Variants in FABP7 observed in about 807,000 individuals in gnomAD.
FABP7 encodes fatty acid binding protein 7.
Under a neutral mutation model 14.2 loss-of-function variants are expected in FABP7, and 13 were observed. The observed-to-expected ratio is 0.91, with a 90% CI of 0.59 to 1.45. The LOEUF (loss-of-function observed/expected upper bound fraction) is 1.45. FABP7 is among the 40% of genes most tolerant of loss of function. FABP7 has a pLI of 0.00. For synonymous variants in FABP7, 49 were observed against 51.4 expected (o/e 0.95, Z 0.20); for missense variants, 149 against 157.6 (o/e 0.95, Z 0.29).
chr6:122,776,857 G>T (rs938379759), upstream of FABP7, among the ~76,000 whole-genome samples: 4 of 152,044 alleles, frequency 2.6e-5, no homozygotes, highest in Admixed American at 2.0e-4. Context: ...AAAATTTCTG[G>T]TACAGATATC....
chr6:122,772,615 C>T, the FABP7 span, among the ~76,000 whole-genome samples: 1 of 152,146 alleles, frequency 6.6e-6, no homozygotes, highest in Non-Finnish European at 1.5e-5. Flanking sequence ...GAAGGGATTT[C>T]ATCATGTTGC....
intron 3 of FABP7, chr6:122,781,621 T>C (rs1420698189): frequency 3.6e-6 from 4 of 1,107,084 alleles, no homozygotes; most frequent in Non-Finnish European, 4.4e-6. Flanking sequence ...AAGAGATCTT[T>C]AAACAGTTTA....
chr6:122,753,939 A>G, the FABP7 span, among the ~76,000 whole-genome samples: 1 of 152,070 alleles, frequency 6.6e-6, no homozygotes, highest in Non-Finnish European at 1.5e-5. Flanking sequence ...CCAGACGGGC[A>G]CTCAGGATAA....
At chr6:122,759,830 A>G in the FABP7 span, among the ~76,000 whole-genome samples, 7 of 152,256 alleles carry the variant, frequency 4.6e-5, no homozygotes, top group South Asian at 1.2e-3. Flanking sequence ...TTATTAAGAT[A>G]TAATTTACAG....
the FABP7 span, among the ~76,000 whole-genome samples, chr6:122,774,536 A>G: frequency 1.3e-5 from 2 of 152,096 alleles, no homozygotes; most frequent in Non-Finnish European, 2.9e-5. Context: ...GAAAGCAACC[A>G]TTCTTAGGTA....
At chr6:122,780,227 A>C in intron 1 of FABP7, 64 bp from the exon 2 acceptor site, 2 of 1,529,122 alleles carry the variant, frequency 1.3e-6, no homozygotes, top group Admixed American at 3.5e-5. Context: ...CAGAAAGCAG[A>C]TTCTTGCTTT....
chr6:122,779,524 A>T, upstream of FABP7: 2 of 479,392 alleles, frequency 4.2e-6, no homozygotes, highest in South Asian at 5.6e-5. Context: ...AACTCGACCT[A>T]CTCCGCTAAC....
the FABP7 span, among the ~76,000 whole-genome samples, chr6:122,772,033 A>T: frequency 1.3e-5 from 2 of 152,362 alleles, no homozygotes; most frequent in African/African-American, 4.8e-5. Flanking sequence ...ATGACTGATT[A>T]CAAAAGTAAT....
chr6:122,768,051 C>A, the FABP7 span, among the ~76,000 whole-genome samples: 3 of 151,992 alleles, frequency 2.0e-5, no homozygotes, highest in African/African-American at 7.2e-5. Flanking sequence ...AACCTACAGG[C>A]AAATGGGCAG....
intron 3 of FABP7, 31 bp downstream of exon 3, chr6:122,781,225 G>GT (rs778540540): frequency 1.9e-6 from 3 of 1,610,362 alleles, no homozygotes; most frequent in Middle Eastern, 1.6e-4. Context: ...ATTCTTCCTT[G>GT]TTTTTTTCTC....
chr6:122,778,713 A>C (rs967942745), upstream of FABP7, among the ~76,000 whole-genome samples: 2 of 152,238 alleles, frequency 1.3e-5, no homozygotes, highest in Non-Finnish European at 2.9e-5. Flanking sequence ...ACCCTGAGCC[A>C]GGGCAAACTG....
In FABP7 at chr6:122,782,547, A is replaced by G. The variant is rs188523412; in HGVS notation, c.349-1170A>G. 1.6e-3 allele frequency: 1,532 copies of G among 984,982 alleles called. 3 individuals carry two copies. The highest frequency in any genetic ancestry group is 6.3e-3 in the Middle Eastern group (12 of 1,914). The allele number at this position is 984,982 out of a possible 1,614,324, so 61.0% of individuals were successfully genotyped here. Reference sequence around the variant, plus strand: ...GGAGTAGTATCACAAACTAGGAGAAATATTATGCCTTCACCAAGCCTTCCT... The same window carrying G: ...GGAGTAGTATCACAAACTAGGAGAAGTATTATGCCTTCACCAAGCCTTCCT... On this transcript the variant is annotated intron_variant, in intron 3 of 3. Coordinates refer to ENST00000368444, the MANE Select transcript of FABP7 (RefSeq NM_001446.5).
chr6:122,751,061 A>T, the FABP7 span, among the ~76,000 whole-genome samples: 1 of 152,200 alleles, frequency 6.6e-6, no homozygotes, highest in Admixed American at 6.5e-5. Flanking sequence ...ATAAAATCAT[A>T]TGTATTATGA....
At position 122,780,445 on chromosome 6, in the gene FABP7, A is replaced by G; in HGVS notation, c.228A>G (p.Ala76=). ...QLGEEFDETT[A]DDRNCKSVVS... ...GAGAAGAGTTTGATGAAACCACTGC[A>G]GATGATAGAAACTGTAAGGTGAGAA... The change falls in exon 2 of 4, where the codon GCA becomes GCG. Residue 76 remains alanine (A), a synonymous_variant. Transcript: ENST00000368444. 1 of 1,612,936 alleles carries G rather than the reference A, an allele frequency of 6.2e-7. No individual in the cohort carries two copies. Among genetic ancestry groups the G allele is most frequent in the Non-Finnish European group, 8.5e-7 (1 of 1,179,734 alleles).
At chr6:122,778,438 A>G (rs1163324501), upstream of FABP7, among the ~76,000 whole-genome samples, 1 of 152,138 alleles carries the variant, frequency 6.6e-6, no homozygotes, top group African/African-American at 2.4e-5. Context: ...CTAGCGTAGG[A>G]GGCCTTCTGA....
At chr6:122,756,339 G>T in the FABP7 span, among the ~76,000 whole-genome samples, 2 of 152,052 alleles carry the variant, frequency 1.3e-5, no homozygotes, top group African/African-American at 2.4e-5. Context: ...CTACAGTGAG[G>T]TAACTATTTC....
upstream of FABP7, among the ~76,000 whole-genome samples, chr6:122,776,912 T>C (rs1408551717): frequency 6.6e-6 from 1 of 152,292 alleles, no homozygotes; most frequent in South Asian, 2.1e-4. Context: ...AAGATTAATA[T>C]GCAACCAAAA....
At chr6:122,764,082 T>C in the FABP7 span, among the ~76,000 whole-genome samples, 167 of 152,270 alleles carry the variant, frequency 1.1e-3, 1 homozygote, top group Middle Eastern at 0.038. Flanking sequence ...CAAAGACACA[T>C]GCACACGTAT....
At chr6:122,770,741 T>C in the FABP7 span, among the ~76,000 whole-genome samples, 1 of 152,174 alleles carries the variant, frequency 6.6e-6, no homozygotes, top group Non-Finnish European at 1.5e-5. Flanking sequence ...TAGATACTAC[T>C]ACTATAGAAT....
Sources: allele counts gnomAD v4.1 joint callset (sites outside exome capture counted in the v4.1 genomes callset), GRCh38; gene constraint gnomAD v4.1.1; transcripts MANE v1.5; gene names NCBI Gene and HGNC (gene_info 2026-07-23, HGNC 2026-07-21).